Variants in REPS2 observed in about 807,000 individuals in gnomAD.
REPS2 encodes RALBP1 associated Eps domain containing 2, also known as ralBP1-associated Eps domain-containing protein 2.
A neutral mutation model predicts 53.6 loss-of-function variants in REPS2; 23 were observed. The ratio of observed to expected loss-of-function variants is 0.43; its 90% confidence interval spans 0.31 to 0.61. The LOEUF is 0.61. Among genes scored for constraint, REPS2 ranks in the 20% least tolerant of loss-of-function variants. The probability of loss-of-function intolerance (pLI) is 0.11; values close to 1 mark genes in which losing one functional copy is unlikely to be tolerated. For missense variants in REPS2, 446 were observed against 534.9 expected, an observed-to-expected ratio of 0.83 and a Z score of 1.64; for synonymous variants, 238 against 218.6, an observed-to-expected ratio of 1.09 and a Z score of -0.78.
At chrX:17,028,896 T>C (rs1243943523) in intron 4 of REPS2, among the ~76,000 whole-genome samples, 1 of 112,080 alleles carries the variant, frequency 8.9e-6, no homozygotes, top group Non-Finnish European at 1.9e-5. Flanking sequence ...AGGTCATTAT[T>C]AAGTCTTCTG....
chrX:17,113,397 A>G (rs1298125515), intron 14 of REPS2, among the ~76,000 whole-genome samples: 2 of 109,285 alleles, frequency 1.8e-5, no homozygotes, highest in Non-Finnish European at 3.8e-5. Flanking sequence ...ATTGTTTTAA[A>G]TTTATCGAGG....
chrX:17,171,092 TCC>T, the REPS2 span, among the ~76,000 whole-genome samples: 1 of 112,903 alleles, frequency 8.9e-6, no homozygotes, highest in Non-Finnish European at 1.9e-5. Context: ...TGTTGGCCTC[TCC>T]CCTGCTCCAG....
At chrX:17,142,879 T>C (rs1489024623) in intron 17 of REPS2, among the ~76,000 whole-genome samples, 1 of 112,276 alleles carries the variant, frequency 8.9e-6, no homozygotes, top group East Asian at 2.8e-4. Flanking sequence ...AAAATCTATA[T>C]ATGAACTTAC....
the REPS2 span, among the ~76,000 whole-genome samples, chrX:17,166,653 T>A: frequency 3.6e-5 from 4 of 111,948 alleles, no homozygotes; most frequent in African/African-American, 1.3e-4. Flanking sequence ...CAGCCTGAGC[T>A]ACAGAACATT....
At chrX:16,960,025 C>T (rs985363026) in intron 1 of REPS2, among the ~76,000 whole-genome samples, 4 of 111,584 alleles carry the variant, frequency 3.6e-5, no homozygotes, top group Non-Finnish European at 5.6e-5. Flanking sequence ...ATTGGTTTAA[C>T]GTATATAAAA....
At chrX:17,107,285 T>C (rs1323927846) in intron 14 of REPS2, among the ~76,000 whole-genome samples, 1 of 112,306 alleles carries the variant, frequency 8.9e-6, no homozygotes, top group African/African-American at 3.2e-5. Flanking sequence ...ATTCATGTAT[T>C]ATGAAGAAAC....
rs143234384 is a variant in REPS2 at position 17,036,849 on chromosome X, AGT to A, written c.771+7245_771+7246del. ...AAGATAGATAGAGGGAGAGAGTATA[AGT>A]GTGTGTGTGTGTGTGTGTTAGGAAG... On this transcript the variant is annotated intron_variant, in intron 5 of 17. Coordinates refer to ENST00000357277, the MANE Select transcript of REPS2 (RefSeq NM_004726.3). Among the ~76,000 whole-genome samples the A allele has an allele frequency of 4.9e-3, 503 of 102,898 alleles. 2 individuals carry two copies. The highest frequency in any genetic ancestry group is 0.017 in the African/African-American group (482 of 28,135). The allele number at this position is 102,898 out of a possible 115,157, so 89.4% of individuals were successfully genotyped here. A position where few individuals can be genotyped will look rare whatever the true frequency, so the allele number is the denominator to read the frequency against.
intron 13 of REPS2, 133 bp downstream of exon 13, chrX:17,077,540 G>A (rs1461826449): frequency 2.5e-5 from 15 of 606,615 alleles, no homozygotes; most frequent in Non-Finnish European, 3.4e-5. Context: ...AGGTCTTCAC[G>A]TGGCTATGGT....
chrX:17,167,990 A>G, the REPS2 span, among the ~76,000 whole-genome samples: 17 of 111,689 alleles, frequency 1.5e-4, no homozygotes, highest in Non-Finnish European at 2.6e-4. Context: ...CAGGGAAATT[A>G]TACCTGACAT....
chrX:16,979,989 A>C (rs1185055985), intron 1 of REPS2, among the ~76,000 whole-genome samples: 2 of 111,573 alleles, frequency 1.8e-5, no homozygotes, highest in Non-Finnish European at 3.8e-5. Flanking sequence ...CCCATCTTTG[A>C]GTTTGTCCTC....
the REPS2 span, among the ~76,000 whole-genome samples, chrX:17,195,527 C>T: frequency 8.9e-6 from 1 of 112,172 alleles, no homozygotes; most frequent in African/African-American, 3.2e-5. Context: ...CCACTGTAAC[C>T]TTATTCACGT....
At chrX:17,167,123 T>C in the REPS2 span, among the ~76,000 whole-genome samples, 1 of 111,545 alleles carries the variant, frequency 9.0e-6, no homozygotes, top group Non-Finnish European at 1.9e-5. Context: ...TCTCTTATAG[T>C]TCTCATGCTA....
intron 1 of REPS2, among the ~76,000 whole-genome samples, chrX:16,976,110 A>G (rs757445400): frequency 1.6e-3 from 174 of 111,524 alleles, no homozygotes; most frequent in African/African-American, 5.6e-3. Flanking sequence ...TGGTAACCTC[A>G]TTTTATATGC....
intron 2 of REPS2, among the ~76,000 whole-genome samples, chrX:17,006,943 AC>A (rs2061369093): frequency 9.0e-6 from 1 of 111,433 alleles, no homozygotes; most frequent in Non-Finnish European, 1.9e-5. Flanking sequence ...AAAAAGCAAA[AC>A]CCCCAACTAT....
the REPS2 span, among the ~76,000 whole-genome samples, chrX:17,176,345 G>A: frequency 1.9e-4 from 21 of 111,547 alleles, no homozygotes; most frequent in East Asian, 5.6e-3. Flanking sequence ...AAAGCAGCAG[G>A]TAATTGATGG....
At chrX:17,165,212 A>G in the REPS2 span, among the ~76,000 whole-genome samples, 21,762 of 111,493 alleles carry the variant, frequency 0.2, 1,847 homozygotes, top group African/African-American at 0.32. Context: ...GATCTATTGA[A>G]TCAGTCAGAC....
intron 9 of REPS2, among the ~76,000 whole-genome samples, chrX:17,063,924 A>ACACG: frequency 1.2e-4 from 1 of 8,663 alleles, no homozygotes; most frequent in South Asian, 3.6e-3. Context: ...TTTTACTGTT[A>ACACG]CACACACACA....
At position 17,151,589 on chromosome X, in the gene REPS2, G is replaced by C. The variant is rs191112000; in HGVS notation, c.*4108G>C. Reference sequence around the variant, plus strand: ...ACACCTTCTCACTAGATATCACCAAGGGAATGTGGTTTTAAAAATAAAAAG... The same window carrying C: ...ACACCTTCTCACTAGATATCACCAACGGAATGTGGTTTTAAAAATAAAAAG... On this transcript the variant is annotated 3_prime_UTR_variant, in exon 18 of 18. Coordinates refer to ENST00000357277, the MANE Select transcript of REPS2 (RefSeq NM_004726.3). The C allele has an allele frequency of 8.9e-6, 1 of 112,508 alleles. No individual in the cohort carries two copies. Among genetic ancestry groups the C allele is most frequent in the African/African-American group, 3.2e-5 (1 of 30,939 alleles). The allele number at this position is 112,508 out of a possible 1,213,427, so 9.3% of individuals were successfully genotyped here. A position where few individuals can be genotyped will look rare whatever the true frequency, so the allele number is the denominator to read the frequency against.
At chrX:17,021,463 C>G (rs921103386) in intron 2 of REPS2, among the ~76,000 whole-genome samples, 7 of 112,215 alleles carry the variant, frequency 6.2e-5, no homozygotes, top group African/African-American at 2.3e-4. Flanking sequence ...GAAAAGACAA[C>G]CAGAGATTGG....
Sources: allele counts gnomAD v4.1 joint callset (sites outside exome capture counted in the v4.1 genomes callset), GRCh38; gene constraint gnomAD v4.1.1; transcripts MANE v1.5; gene names NCBI Gene and HGNC (gene_info 2026-07-23, HGNC 2026-07-21).